TUSC3: variants seen among roughly 807,000 people sequenced by gnomAD.
The protein encoded by TUSC3 is dolichyl-diphosphooligosaccharide--protein glycosyltransferase subunit TUSC3.
TUSC3 carries 45 observed loss-of-function variants against 44.8 expected under a neutral mutation model. The observed-to-expected ratio is 1.00, with a 90% CI of 0.79 to 1.29. The LOEUF is 1.29. Ranked by LOEUF, TUSC3 falls within the 50% of genes most tolerant of loss-of-function variation. The probability of loss-of-function intolerance (pLI) is 0.00; values close to 1 mark genes in which losing one functional copy is unlikely to be tolerated. For missense variants in TUSC3, 519 were observed against 437.9 expected (o/e 1.19, Z -1.65); for synonymous variants, 212 against 152.9 (o/e 1.39, Z -2.85).
In TUSC3 at chr8:15,650,761, A is replaced by G. The variant is rs200345719; in HGVS notation, c.373A>G (p.Lys125Glu). Residue 125 changes from lysine (K) to glutamate (E), a missense_variant, in exon 3 of 11, where the codon AAG becomes GAG. Physicochemically the swap from Lys to Glu is moderately conservative, Grantham distance 56. Coordinates refer to ENST00000503731, the MANE Select transcript of TUSC3 (RefSeq NM_006765.4). The stretch of plus-strand genomic sequence containing the variant: ...GCGCTATTCATCTGCTTTTTGTAAC[A>G]AGCTCTTCTTCAGTATGGTGGACTA... ...SWRYSSAFCN[K>E]LFFSMVDYDE... The G allele has an allele frequency of 4.3e-6, 7 of 1,614,172 alleles. No individual in the cohort carries two copies. The East Asian group carries it at 1.6e-4, about 36-fold the overall frequency.
intron 1 of TUSC3, among the ~76,000 whole-genome samples, chr8:15,558,819 G>A (rs569648435): frequency 4.4e-4 from 65 of 147,854 alleles, no homozygotes; most frequent in East Asian, 1.9e-3. Context: ...ATTCTCTGAT[G>A]GTAGTTTGTA....
chr8:15,842,981 T>C, the TUSC3 span, among the ~76,000 whole-genome samples: 6 of 152,218 alleles, frequency 3.9e-5, no homozygotes, highest in South Asian at 1.2e-3. Context: ...GAATGATTAT[T>C]GTTGTTATAG....
intron 5 of TUSC3, among the ~76,000 whole-genome samples, chr8:15,664,705 G>T (rs972565305): frequency 6.7e-6 from 1 of 149,478 alleles, no homozygotes; most frequent in African/African-American, 2.4e-5. Context: ...TGCATCTCTT[G>T]CAGTTTTTCT....
chr8:15,725,791 G>A (rs567849666), intron 6 of TUSC3, among the ~76,000 whole-genome samples: 2 of 152,272 alleles, frequency 1.3e-5, no homozygotes, highest in South Asian at 4.1e-4. Context: ...CCAGGACAGA[G>A]AATTGACTTC....
rs1333535322 is a variant in TUSC3 at position 15,455,967 on chromosome 8, T to C, written n.92-27419T>C. Reference sequence around the variant, plus strand: ...ATAACACTGACCTTCTGAAAGACCTTTGCAGATTTTTTGCTTGTCTAATGA... The same window carrying C: ...ATAACACTGACCTTCTGAAAGACCTCTGCAGATTTTTTGCTTGTCTAATGA... On this transcript the variant is annotated intron_variant and non_coding_transcript_variant, in intron 1 of 5. Coordinates refer to the TUSC3 transcript ENST00000503191. Among the ~76,000 whole-genome samples, 3 of 152,284 alleles carry C rather than the reference T, an allele frequency of 2.0e-5. No individual in the cohort carries two copies. The East Asian group carries it at 5.8e-4, about 29-fold the overall frequency.
At chr8:15,600,406 T>C (rs1804237234) in intron 1 of TUSC3, among the ~76,000 whole-genome samples, 1 of 151,884 alleles carries the variant, frequency 6.6e-6, no homozygotes, top group East Asian at 1.9e-4. Flanking sequence ...TTAGAGAATA[T>C]GAACATAATC....
intron 1 of TUSC3, among the ~76,000 whole-genome samples, chr8:15,434,030 C>CTA (rs1480422473): frequency 6.6e-6 from 1 of 152,122 alleles, no homozygotes; most frequent in Non-Finnish European, 1.5e-5. Flanking sequence ...TCATGAGAAA[C>CTA]TAAACAGTTC....
At chr8:15,768,113 T>C (rs181421489), downstream of TUSC3, among the ~76,000 whole-genome samples, 12 of 152,142 alleles carry the variant, frequency 7.9e-5, no homozygotes, top group African/African-American at 2.9e-4. Context: ...AGTTCCCCAA[T>C]AGAGAACCTG....
intron 1 of TUSC3, among the ~76,000 whole-genome samples, chr8:15,431,155 G>A (rs1212439201): frequency 6.6e-6 from 1 of 151,472 alleles, no homozygotes; most frequent in Non-Finnish European, 1.5e-5. Flanking sequence ...AGATCACTTT[G>A]GCTATTCTTG....
At chr8:15,795,038 C>G in the TUSC3 span, among the ~76,000 whole-genome samples, 1 of 152,110 alleles carries the variant, frequency 6.6e-6, no homozygotes, top group South Asian at 2.1e-4. Context: ...TGTAATTAAT[C>G]TGACGGAAAG....
intron 1 of TUSC3, among the ~76,000 whole-genome samples, chr8:15,545,030 A>G (rs145939820): frequency 4.3e-4 from 66 of 151,920 alleles, no homozygotes; most frequent in Non-Finnish European, 6.8e-4. Context: ...TTACATACGT[A>G]TTATGTGTTA....
At chr8:15,653,817 G>A (rs1025480987) in intron 3 of TUSC3, among the ~76,000 whole-genome samples, 1 of 152,158 alleles carries the variant, frequency 6.6e-6, no homozygotes, top group Non-Finnish European at 1.5e-5. Flanking sequence ...CTGAAGTACT[G>A]TCTCTGAATT....
Position 15,429,110 on chromosome 8 carries a change from A to G in TUSC3, n.91+11805A>G, listed in dbSNP as rs182609219. ...GGGTTTTTATGGCTTTAGGTCTAAC[A>G]TGTAAGTCTTTAATCCATGTTGAAT... is the stretch of plus-strand genomic sequence containing the variant. On this transcript the variant is annotated intron_variant and non_coding_transcript_variant, in intron 1 of 5. Coordinates refer to the TUSC3 transcript ENST00000503191. 7.4e-3 allele frequency among the ~76,000 whole-genome samples: 1,130 copies of G among 152,266 alleles called. 18 individuals are homozygous for G. The highest frequency in any genetic ancestry group is 0.026 in the African/African-American group (1,070 of 41,534).
chr8:15,662,772 A>G (rs1467430083), intron 5 of TUSC3, among the ~76,000 whole-genome samples: 1 of 152,000 alleles, frequency 6.6e-6, no homozygotes, highest in East Asian at 1.9e-4. Context: ...AGAGTAATCA[A>G]CAAATGGAGT....
intron 1 of TUSC3, among the ~76,000 whole-genome samples, chr8:15,460,673 A>T (rs905857056): frequency 3.9e-5 from 6 of 152,216 alleles, no homozygotes; most frequent in African/African-American, 1.2e-4. Context: ...TCTTAGATTT[A>T]AGTCCGTAAT....
intron 2 of TUSC3, among the ~76,000 whole-genome samples, chr8:15,503,835 C>G (rs1300370987): frequency 6.6e-6 from 1 of 151,912 alleles, no homozygotes; most frequent in Non-Finnish European, 1.5e-5. Context: ...AAACCCATCT[C>G]TACTAAAAAT....
At chr8:15,805,438 G>C in the TUSC3 span, among the ~76,000 whole-genome samples, 5 of 152,072 alleles carry the variant, frequency 3.3e-5, no homozygotes, top group Non-Finnish European at 5.9e-5. Context: ...TTCAGCTTTT[G>C]CCTGTTTAGT....
At chr8:15,501,184 C>G in intron 2 of TUSC3, among the ~76,000 whole-genome samples, 1 of 152,138 alleles carries the variant, frequency 6.6e-6, no homozygotes, top group East Asian at 1.9e-4. Context: ...TGCAAGGTTT[C>G]TCTAACATGT....
In TUSC3 at chr8:15,448,915, A is replaced by T. The variant is rs549491155; in HGVS notation, n.91+31610A>T. 2.0e-5 allele frequency among the ~76,000 whole-genome samples: 3 copies of T among 152,288 alleles called. No individual in the cohort carries two copies. The East Asian group carries it at 5.8e-4, about 29-fold the overall frequency. ...CTAGTGACGTAGCCATTATAACATC[A>T]TAGTGCTTTTACTTTATTTTTTTTA... is the stretch of plus-strand genomic sequence containing the variant. On this transcript the variant is annotated intron_variant and non_coding_transcript_variant, in intron 1 of 5. Transcript: ENST00000503191.
Sources: gnomAD v4.1 joint callset for allele counts (sites outside exome capture counted in the v4.1 genomes callset) on GRCh38, gnomAD v4.1.1 for gene constraint, MANE v1.5 for transcripts, NCBI Gene and HGNC (gene_info 2026-07-23, HGNC 2026-07-21) for gene names.